FARP2: variants seen among roughly 807,000 people sequenced by gnomAD.
The protein encoded by FARP2 is FERM, ARH/RhoGEF and pleckstrin domain protein 2, also known as FERM, ARHGEF and pleckstrin domain-containing protein 2.
FARP2 carries 111 observed loss-of-function variants against 130.5 expected under a neutral mutation model. The observed-to-expected ratio is 0.85, with a 90% CI of 0.73 to 1.00. The LOEUF is 1.00. Among genes scored for constraint, FARP2 ranks in the 50% least tolerant of loss-of-function variants. The pLI is 0.00. For missense variants in FARP2, 1,385 were observed against 1,346.3 expected (o/e 1.03, Z -0.45); for synonymous variants, 504 against 516.9 (o/e 0.98, Z 0.34).
intron 2 of FARP2, among the ~76,000 whole-genome samples, chr2:241,389,561 T>C (rs1419094250): frequency 6.6e-6 from 1 of 152,172 alleles, no homozygotes; most frequent in African/African-American, 2.4e-5. Context: ...AACTAAGACA[T>C]CTTACAACTC....
chr2:241,441,455 T>G lies in FARP2; in HGVS notation c.1310T>G (p.Val437Gly). The change falls in exon 13 of 27, where the codon GTC becomes GGC. Residue 437 changes from valine (V) to glycine (G), a missense_variant. Transcript: ENST00000264042. Reference protein sequence around the residue: ...SSLTDPQVSYVKSPAAERRSG... With the variant: ...SSLTDPQVSYGKSPAAERRSG... ...CTCACAGATCCCCAGGTTTCCTACGTCAAGAGTCCAGCTGCAGAGAGGCGC... is the reference window on the plus strand; with the variant it reads ...CTCACAGATCCCCAGGTTTCCTACGGCAAGAGTCCAGCTGCAGAGAGGCGC... 1 of 1,614,158 alleles carries G rather than the reference T, an allele frequency of 6.2e-7. No individual in the cohort carries two copies. The highest frequency in any genetic ancestry group is 8.5e-7 in the Non-Finnish European group (1 of 1,180,036).
chr2:241,491,182 G>A lies in FARP2; in HGVS notation c.2623+3G>A, dbSNP rs1450191237. ...CACTGTGTGCACTCGTCCCCCCAGT[G>A]AGTGCTGGCCACAACCCCCCAGGAG... On this transcript the variant is annotated splice_donor_region_variant and intron_variant, in intron 23 of 26. Transcript: ENST00000264042. 3.7e-6 allele frequency: 6 copies of A among 1,604,990 alleles called. No homozygotes were observed. The highest frequency in any genetic ancestry group is 4.5e-5 in the East Asian group (2 of 44,830).
Position 241,463,398 on chromosome 2 carries a change from T to G in FARP2, c.1741T>G (p.Ser581Ala). The G allele has an allele frequency of 6.2e-7, 1 of 1,614,144 alleles. No individual in the cohort carries two copies. Among genetic ancestry groups the G allele is most frequent in the Non-Finnish European group, 8.5e-7 (1 of 1,180,030 alleles). ...MPATLMTLLF[S>A]NIDPIYEFHR... ...TGCGACTCTGATGACGCTGCTCTTC[T>G]CCAACATCGATCCCATCTATGAGTT... The change falls in exon 16 of 27, where the codon TCC (serine) becomes GCC (alanine). Residue 581 changes from serine to alanine, a missense_variant. By Grantham distance (99) the Ser-to-Ala change is moderately conservative (BLOSUM62 1). Coordinates refer to ENST00000264042, the MANE Select transcript of FARP2 (RefSeq NM_014808.4).
rs533776355 is a variant in FARP2, at chr2:241,482,195, C to T, written c.2263-1270C>T. 2.0e-5 allele frequency among the ~76,000 whole-genome samples: 3 copies of T among 152,320 alleles called. No individual in the cohort carries two copies. The highest frequency in any genetic ancestry group is 3.9e-4 in the East Asian group (2 of 5,188). On this transcript the variant is annotated intron_variant, in intron 19 of 26. Coordinates refer to ENST00000264042, the MANE Select transcript of FARP2 (RefSeq NM_014808.4). This position sits in a 1 kb window ranked among gnomAD's most constrained non-coding sequence, Gnocchi z 4.6. ...GTGGCAGAACTGTGAGCCACAGTTACTACCCTAGGGCTGGGGAACAAATTT... is the reference window on the plus strand; with the variant it reads ...GTGGCAGAACTGTGAGCCACAGTTATTACCCTAGGGCTGGGGAACAAATTT...
chr2:241,408,298 A>T (rs1440875373), intron 5 of FARP2, among the ~76,000 whole-genome samples: 1 of 152,004 alleles, frequency 6.6e-6, no homozygotes, highest in Non-Finnish European at 1.5e-5. Context: ...CATGAACCCG[A>T]GAGGCGGAGT....
At chr2:241,477,344 G>A (rs889092916) in intron 19 of FARP2, among the ~76,000 whole-genome samples, 1 of 152,028 alleles carries the variant, frequency 6.6e-6, no homozygotes, top group Non-Finnish European at 1.5e-5. Context: ...TGGCCAGGAT[G>A]GTCTCAAGCT....
At chr2:241,393,724 G>C (rs2061963360) in intron 2 of FARP2, among the ~76,000 whole-genome samples, 1 of 152,106 alleles carries the variant, frequency 6.6e-6, no homozygotes, top group Non-Finnish European at 1.5e-5. Flanking sequence ...TTAAGACAAA[G>C]AATAAAGAAG....
At chr2:241,460,618 T>G (rs1466336425) in intron 14 of FARP2, among the ~76,000 whole-genome samples, 3 of 152,212 alleles carry the variant, frequency 2.0e-5, no homozygotes, top group African/African-American at 7.2e-5. Context: ...AATTTGGATT[T>G]GAAAGATGGG....
intron 24 of FARP2, 165 bp from the exon 25 acceptor site, chr2:241,492,764 G>C (rs1292384434): frequency 3.5e-6 from 2 of 566,550 alleles, no homozygotes; most frequent in Non-Finnish European, 6.3e-6. Flanking sequence ...ACATGCTTCT[G>C]TTGGACTTAA....
rs192338715 is a variant in FARP2 at position 241,407,012 on chromosome 2, G to C, written c.332-525G>C. ...TTTAATAGAGACGGGGTTTCACTGTGTTGGCCAGGATGGTCTCGATCTCCT... is the reference window on the plus strand; with the variant it reads ...TTTAATAGAGACGGGGTTTCACTGTCTTGGCCAGGATGGTCTCGATCTCCT... On this transcript the variant is annotated intron_variant, in intron 4 of 26. Transcript: ENST00000264042. 2.1e-3 allele frequency among the ~76,000 whole-genome samples: 319 copies of C among 151,498 alleles called. 1 individual carries two copies. The highest frequency in any genetic ancestry group is 7.4e-3 in the African/African-American group (306 of 41,252).
intron 2 of FARP2, among the ~76,000 whole-genome samples, chr2:241,385,492 C>T (rs769342613): frequency 3.9e-5 from 6 of 152,074 alleles, no homozygotes; most frequent in Non-Finnish European, 8.8e-5. Flanking sequence ...GAGGCCAAGG[C>T]AAGTGGATCA....
chr2:241,447,769 CCA>C, intron 13 of FARP2, among the ~76,000 whole-genome samples: 1 of 152,308 alleles, frequency 6.6e-6, no homozygotes, highest in Non-Finnish European at 1.5e-5. Flanking sequence ...CTCTCTAGCC[CCA>C]CACACGCCTG....
intron 1 of FARP2, among the ~76,000 whole-genome samples, 168 bp downstream of exon 1, chr2:241,356,556 G>T (rs538353929): frequency 6.6e-6 from 1 of 152,352 alleles, no homozygotes; most frequent in Non-Finnish European, 1.5e-5. Flanking sequence ...GGCGGCTGGA[G>T]CTCCTAGGCG....
intron 8 of FARP2, among the ~76,000 whole-genome samples, chr2:241,429,480 C>T (rs1378059605): frequency 6.6e-6 from 1 of 152,140 alleles, no homozygotes; most frequent in East Asian, 1.9e-4. Flanking sequence ...TGAGAAACTC[C>T]CAGAGTGATG....
chr2:241,405,566 CTA>C (rs1267744326), intron 4 of FARP2, among the ~76,000 whole-genome samples: 8 of 152,108 alleles, frequency 5.3e-5, no homozygotes, highest in South Asian at 2.1e-4. Context: ...GAAAAAATAA[CTA>C]TTTTATACCA....
chr2:241,398,454 C>T (rs368083462), intron 2 of FARP2, among the ~76,000 whole-genome samples: 1 of 152,008 alleles, frequency 6.6e-6, no homozygotes, highest in East Asian at 1.9e-4. Flanking sequence ...CTTGTTTGTT[C>T]GTTGCTGGGT....
At chr2:241,442,639 G>A (rs915782423) in intron 13 of FARP2, 10 of 336,654 alleles carry the variant, frequency 3.0e-5, no homozygotes, top group Non-Finnish European at 5.3e-5. Flanking sequence ...TTCATGGATA[G>A]ATATTCAATT....
intron 6 of FARP2, among the ~76,000 whole-genome samples, chr2:241,411,658 C>T (rs903522259): frequency 3.3e-5 from 5 of 152,234 alleles, no homozygotes; most frequent in South Asian, 2.1e-4. Flanking sequence ...GGCACCTTGC[C>T]GAGCCCCCAG....
intron 19 of FARP2, among the ~76,000 whole-genome samples, chr2:241,476,720 G>T (rs1470772987): frequency 1.3e-5 from 2 of 151,862 alleles, no homozygotes; most frequent in African/African-American, 4.8e-5. Flanking sequence ...AAATAAAATA[G>T]GTACATATAT....
Sources: allele counts gnomAD v4.1 joint callset (sites outside exome capture counted in the v4.1 genomes callset), GRCh38; gene constraint gnomAD v4.1.1; non-coding constraint Gnocchi (gnomAD v3.1); transcripts MANE v1.5; gene names NCBI Gene and HGNC (gene_info 2026-07-23, HGNC 2026-07-21).